Variants in NOP58 observed in about 807,000 individuals in gnomAD.
NOP58 encodes nucleolar protein 58.
In NOP58, 44 loss-of-function variants were observed where a neutral mutation model predicts 71.2. The observed-to-expected ratio is 0.62, with a 90% confidence interval of 0.49 to 0.79. The LOEUF is 0.79. Ranked by LOEUF, NOP58 falls within the 30% of genes least tolerant of loss-of-function variation. The pLI is 0.00. For synonymous variants in NOP58, 228 were observed against 200.3 expected (o/e 1.14, Z -1.17); for missense variants, 538 against 620.2 (o/e 0.87, Z 1.41).
chr2:202,284,039 T>G (rs1190618715), intron 4 of NOP58, among the ~76,000 whole-genome samples: 2 of 152,090 alleles, frequency 1.3e-5, no homozygotes, highest in East Asian at 3.9e-4. Flanking sequence ...CCCAGCACTT[T>G]GGGAAGATGA....
intron 7 of NOP58, 68 bp from the exon 8 acceptor site, chr2:202,291,057 C>T: frequency 7.4e-7 from 1 of 1,359,820 alleles, no homozygotes; most frequent in African/African-American, 1.5e-5. Flanking sequence ...TTTCTTTTGA[C>T]TATTTGCTGG....
rs1474712071 is a variant in NOP58, at chr2:202,295,808, G to T, written c.1042G>T (p.Gly348Cys). The T allele has an allele frequency of 1.9e-6, 3 of 1,593,248 alleles. No homozygotes were observed. The highest frequency in any genetic ancestry group is 2.6e-6 in the Non-Finnish European group (3 of 1,171,750). ...TCTCATTTATCATGCTTCACTCGTG[G>T]GCCAGACAAGTCCCAAACACAAAGG... ...YGLIYHASLV[G>C]QTSPKHKGKI... Residue 348 changes from glycine (G) to cysteine (C), a missense_variant, in exon 10 of 15, where the codon GGC becomes TGC. Gly to Cys is a radical substitution (Grantham distance 159). Coordinates refer to ENST00000264279, the MANE Select transcript of NOP58 (RefSeq NM_015934.5).
At chr2:202,283,666 A>G (rs969562595) in intron 4 of NOP58, among the ~76,000 whole-genome samples, 3 of 149,648 alleles carry the variant, frequency 2.0e-5, no homozygotes, top group African/African-American at 7.4e-5. Context: ...GTCTCGATCT[A>G]TTGACCTTGT....
At chr2:202,269,514 G>GTT (rs775434326) in intron 1 of NOP58, among the ~76,000 whole-genome samples, 2 of 151,982 alleles carry the variant, frequency 1.3e-5, no homozygotes, top group Non-Finnish European at 2.9e-5. Context: ...CATTAACAGG[G>GTT]TTATATATAT....
rs869075798 is a variant in NOP58 at position 202,291,968 on chromosome 2, C to CTTTTTTTTTTTT, written c.780+723_780+734dup. Reference sequence around the variant, plus strand: ...GATACAAATGTTTATTGCTCAGAATCTTTTTTTTTTTTTTTTTTTTTTTTT... The same window carrying CTTTTTTTTTTTT: ...GATACAAATGTTTATTGCTCAGAATCTTTTTTTTTTTTTTTTTTTTTTTTTTTTTTTTTTTTT... On this transcript the variant is annotated intron_variant, in intron 8 of 14. Transcript: ENST00000264279. 3.2e-4 allele frequency among the ~76,000 whole-genome samples: 14 copies of CTTTTTTTTTTTT among 43,960 alleles called. 4 individuals are homozygous for CTTTTTTTTTTTT. The highest frequency in any genetic ancestry group is 2.3e-3 in the East Asian group (2 of 860). 28.8% of individuals were successfully genotyped at this position (43,960 alleles called of 152,430 possible).
At chr2:202,277,482 A>C (rs1227333137) in intron 2 of NOP58, among the ~76,000 whole-genome samples, 1 of 152,092 alleles carries the variant, frequency 6.6e-6, no homozygotes, top group Non-Finnish European at 1.5e-5. Context: ...TCTCAAAAAA[A>C]AAAACAAAAA....
intron 2 of NOP58, chr2:202,276,632 GAGTTCA>G (rs1467520625): frequency 2.9e-6 from 1 of 339,360 alleles, no homozygotes; most frequent in Non-Finnish European, 6.1e-6. Context: ...TTGAGCCCAG[GAGTTCA>G]AGACCAGCCT....
At chr2:202,273,049 C>T (rs1293714221) in intron 1 of NOP58, among the ~76,000 whole-genome samples, 1 of 152,156 alleles carries the variant, frequency 6.6e-6, no homozygotes, top group Non-Finnish European at 1.5e-5. Context: ...GACGTGAACC[C>T]AGGAGGTGGA....
chr2:202,295,640 G>A (rs1193425109), intron 9 of NOP58, 34 bp from the exon 10 acceptor site: 1 of 1,493,720 alleles, frequency 6.7e-7, no homozygotes, highest in Non-Finnish European at 9.0e-7. Flanking sequence ...CATATATTTG[G>A]AGGTGCATTC....
intron 9 of NOP58, among the ~76,000 whole-genome samples, chr2:202,293,778 T>C (rs1688944327): frequency 6.6e-6 from 1 of 152,068 alleles, no homozygotes; most frequent in African/African-American, 2.4e-5. Flanking sequence ...TTTTGCCATG[T>C]TGGCCAGGCT....
intron 5 of NOP58, among the ~76,000 whole-genome samples, chr2:202,286,278 G>A (rs142470849): frequency 6.6e-6 from 1 of 151,710 alleles, no homozygotes; most frequent in Non-Finnish European, 1.5e-5. Context: ...GCTGAGGCAG[G>A]TGAATCATGA....
At chr2:202,281,532 C>G (rs1688704355) in intron 3 of NOP58, among the ~76,000 whole-genome samples, 1 of 152,128 alleles carries the variant, frequency 6.6e-6, no homozygotes, top group Non-Finnish European at 1.5e-5. Flanking sequence ...CTTGAACTCC[C>G]TGGGCTCAGG....
chr2:202,277,059 G>A (rs1054822896), intron 2 of NOP58, among the ~76,000 whole-genome samples: 1 of 152,122 alleles, frequency 6.6e-6, no homozygotes, highest in Non-Finnish European at 1.5e-5. Flanking sequence ...AGGCCAAGGC[G>A]GGCGGATGAT....
intron 3 of NOP58, among the ~76,000 whole-genome samples, chr2:202,280,672 G>T (rs1394517107): frequency 6.6e-6 from 1 of 151,772 alleles, no homozygotes; most frequent in Non-Finnish European, 1.5e-5. Flanking sequence ...GGTCTGTTGG[G>T]GTGTGATGTT....
At position 202,265,985 on chromosome 2, in the gene NOP58, A is replaced by C. The variant is rs753609540; in HGVS notation, c.44A>C (p.Lys15Thr). The C allele has an allele frequency of 5.0e-6, 8 of 1,614,156 alleles. No homozygotes were observed. Among genetic ancestry groups the C allele is most frequent in the Non-Finnish European group, 6.8e-6 (8 of 1,180,008 alleles). Reference sequence around the variant, plus strand: ...ACGTCTGTGGGTTACGCCATCTTTAAGGTAGGTGGGAGAGCGAGCCGTTAA... The same window carrying C: ...ACGTCTGTGGGTTACGCCATCTTTACGGTAGGTGGGAGAGCGAGCCGTTAA... ...FETSVGYAIFKVLNEKKLQEV... is the reference protein window; with the variant it reads ...FETSVGYAIFTVLNEKKLQEV... Residue 15 changes from lysine (K) to threonine (T), a missense_variant and splice_region_variant, in exon 1 of 15, where the codon AAG (lysine) becomes ACG (threonine). Coordinates refer to ENST00000264279, the MANE Select transcript of NOP58 (RefSeq NM_015934.5).
intron 9 of NOP58, among the ~76,000 whole-genome samples, chr2:202,293,561 CAG>C (rs1037489678): frequency 1.1e-4 from 17 of 152,118 alleles, no homozygotes; most frequent in Admixed American, 9.8e-4. Context: ...TCATCTGCAT[CAG>C]AGTGTTTAAA....
At chr2:202,274,146 A>G (rs1057220238) in intron 1 of NOP58, among the ~76,000 whole-genome samples, 1 of 152,230 alleles carries the variant, frequency 6.6e-6, no homozygotes, top group South Asian at 2.1e-4. Flanking sequence ...AGAGAAATCC[A>G]TAATACTTTC....
At chr2:202,282,301 A>G (rs771110030) in intron 3 of NOP58, 50 bp from the exon 4 acceptor site, 3 of 1,552,808 alleles carry the variant, frequency 1.9e-6, no homozygotes, top group South Asian at 1.2e-5. Flanking sequence ...CAAGGTCTCA[A>G]AGTTAAAAAT....
At chr2:202,267,918 A>G (rs1688444541) in intron 1 of NOP58, among the ~76,000 whole-genome samples, 1 of 152,178 alleles carries the variant, frequency 6.6e-6, no homozygotes, top group African/African-American at 2.4e-5. Context: ...AAAATGATTA[A>G]ATTGTGGTTT....
Sources: gnomAD v4.1 joint callset for allele counts (sites outside exome capture counted in the v4.1 genomes callset) on GRCh38, gnomAD v4.1.1 for gene constraint, MANE v1.5 for transcripts, NCBI Gene and HGNC (gene_info 2026-07-23, HGNC 2026-07-21) for gene names.